The following COMMD3 variants were observed in gnomAD, a reference collection of about 807,000 sequenced individuals.
COMMD3 encodes COMM domain containing 3.
COMMD3 carries 31 observed loss-of-function variants against 31.2 expected under a neutral mutation model. The ratio of observed to expected loss-of-function variants is 0.99; its 90% CI spans 0.75 to 1.34. The LOEUF (loss-of-function observed/expected upper bound fraction) is 1.34. Ranked by LOEUF, COMMD3 falls within the 40% of genes most tolerant of loss-of-function variation. The pLI is 0.00. For synonymous variants in COMMD3, 108 were observed against 87.3 expected (o/e 1.24, Z -1.32); for missense variants, 274 against 236.9 (o/e 1.16, Z -1.03).
chr10:22,316,610 G>C (rs1835855233), intron 1 of COMMD3, 54 bp downstream of exon 1: 21 of 1,425,516 alleles, frequency 1.5e-5, no homozygotes, highest in African/African-American at 3.0e-5. Flanking sequence ...AGGGGCGCTC[G>C]GAGAAGAGGA....
chr10:22,319,125 G>C (rs1476120051), intron 7 of COMMD3, 107 bp downstream of exon 7: 1 of 1,252,404 alleles, frequency 8.0e-7, no homozygotes, highest in Non-Finnish European at 1.1e-6. Flanking sequence ...TTTGTCAGCA[G>C]ATAATGAAGA....
intron 7 of COMMD3, 64 bp from the exon 8 acceptor site, chr10:22,319,875 T>G: frequency 1.1e-5 from 17 of 1,587,596 alleles, no homozygotes; most frequent in Non-Finnish European, 1.5e-5. Flanking sequence ...GCATCTTTCT[T>G]GAGCTTGGAT....
chr10:22,319,067 C>G, intron 7 of COMMD3, 49 bp downstream of exon 7: 1 of 1,540,688 alleles, frequency 6.5e-7, no homozygotes, highest in Non-Finnish European at 8.7e-7. Context: ...TAAATGTTTA[C>G]TTGAGAGTTA....
chr10:22,318,428 C>A, intron 4 of COMMD3, 122 bp downstream of exon 4: 1 of 1,375,076 alleles, frequency 7.3e-7, no homozygotes, highest in South Asian at 1.4e-5. Context: ...AAGGGCATGT[C>A]AAGCAATTGA....
chr10:22,319,262 T>G (rs1181273559), intron 7 of COMMD3: 3 of 399,246 alleles, frequency 7.5e-6, no homozygotes, highest in Non-Finnish European at 1.3e-5. Flanking sequence ...GAAATAAACT[T>G]CTGTAGTGTT....
rs140818298 is a variant in COMMD3, at chr10:22,316,442, A to C, written c.25A>C (p.Lys9Gln). 1 of 1,550,968 alleles carries C rather than the reference A, an allele frequency of 6.4e-7. No homozygotes were observed. Among genetic ancestry groups the C allele is most frequent in the African/African-American group, 1.4e-5 (1 of 73,046 alleles). The change falls in exon 1 of 8, where the codon AAA (lysine) becomes CAA (glutamine). Residue 9 changes from lysine to glutamine, a missense_variant. Transcript: ENST00000376836. The part of the protein sequence containing the change: MELSESVQ[K>Q]GFQMLADPRS... ...AATGGAGCTCTCGGAGTCTGTGCAG[A>C]AAGGCTTCCAGATGCTGGCGGATCC...
At position 22,318,132 on chromosome 10, in the gene COMMD3, CAGAG is replaced by C. The variant is rs761658527; in HGVS notation, c.282_285del (p.Arg94SerfsTer3). 39 of 1,612,708 alleles carry C rather than the reference CAGAG, an allele frequency of 2.4e-5. No individual in the cohort carries two copies. Among genetic ancestry groups the C allele is most frequent in the African/African-American group, 9.4e-5 (7 of 74,776 alleles). On this transcript the variant is annotated frameshift_variant, in exon 3 of 8. Coordinates refer to ENST00000376836, the MANE Select transcript of COMMD3 (RefSeq NM_012071.4). LOFTEE classifies it high-confidence loss of function. ...CTTATCTAGAAGACTGTAAATTTGA[CAGAG>C]AGCGAATAGAACTGTTTTGCACGGA...
chr10:22,319,893 T>A (rs776049314), intron 7 of COMMD3, 46 bp from the exon 8 acceptor site: 4 of 1,608,362 alleles, frequency 2.5e-6, no homozygotes, highest in Non-Finnish European at 3.4e-6. Flanking sequence ...GATACTTCTT[T>A]CCATGTTTTA....
intron 1 of COMMD3, 162 bp from the exon 2 acceptor site, chr10:22,317,722 T>A (rs1353361273): frequency 1.7e-6 from 1 of 598,230 alleles, no homozygotes; most frequent in African/African-American, 1.9e-5. Context: ...GTTTTTCACT[T>A]GATCTTGTTG....
rs1186876088 is a variant in COMMD3, at chr10:22,317,979, G to A, written c.235G>A (p.Asp79Asn). Residue 79 changes from aspartate to asparagine, a missense_variant, in exon 2 of 8, where the codon GAC becomes AAC. By Grantham distance (23) the Asp-to-Asn change is conservative. Coordinates refer to ENST00000376836, the MANE Select transcript of COMMD3 (RefSeq NM_012071.4). ...YILEAGKHRA[D>N]KSTLSTYLED... ...ACTAGAGGCAGGAAAGCACCGAGCT[G>A]ACAAGTCAACTCTAAGGTACAGGAT... 1 of 1,613,894 alleles carries A rather than the reference G, an allele frequency of 6.2e-7. No homozygotes were observed.
rs1588615328 is a variant in COMMD3 at position 22,319,761 on chromosome 10, T to C, written c.529-178T>C. The C allele has an allele frequency of 1.2e-5, 8 of 664,950 alleles. No homozygotes were observed. In the East Asian group the frequency reaches 2.3e-4, roughly 19 times the overall value. The allele number at this position is 664,950 out of a possible 1,614,324, so 41.2% of individuals were successfully genotyped here. A position where few individuals can be genotyped will look rare whatever the true frequency, so the allele number is the denominator to read the frequency against. Reference sequence around the variant, plus strand: ...GCAAATAACCGATTTGAACATGAGGTATTTCCGAGGAAACGCTTTTTTTGC... The same window carrying C: ...GCAAATAACCGATTTGAACATGAGGCATTTCCGAGGAAACGCTTTTTTTGC... On this transcript the variant is annotated intron_variant, in intron 7 of 7. Coordinates refer to ENST00000376836, the MANE Select transcript of COMMD3 (RefSeq NM_012071.4).
chr10:22,316,752 C>CT, intron 1 of COMMD3, 196 bp downstream of exon 1: 1 of 961,478 alleles, frequency 1.0e-6, no homozygotes, highest in Non-Finnish European at 1.4e-6. Context: ...TTTGGCCCCA[C>CT]TTGGCACCTG....
In COMMD3 at chr10:22,318,131, A is replaced by T; in HGVS notation, c.278A>T (p.Asp93Val). 1.9e-6 allele frequency: 3 copies of T among 1,613,012 alleles called. No homozygotes were observed. The highest frequency in any genetic ancestry group is 2.5e-6 in the Non-Finnish European group (3 of 1,179,754). The change falls in exon 3 of 8, where the codon GAC (aspartate) becomes GTC (valine). Residue 93 changes from aspartate to valine, a missense_variant. Transcript: ENST00000376836. ...ACTTATCTAGAAGACTGTAAATTTG[A>T]CAGAGAGCGAATAGAACTGTTTTGC... ...LSTYLEDCKF[D>V]RERIELFCTE...
Position 22,320,081 on chromosome 10 carries a change from T to C in COMMD3, c.*83T>C, listed in dbSNP as rs1564347076. The stretch of plus-strand genomic sequence containing the variant: ...CAGCTGAACCACCGTTTGTGCGAGC[T>C]GGATGTCCTTTTCAGTAGAAAAGAA... On this transcript the variant is annotated 3_prime_UTR_variant, in exon 8 of 8. Coordinates refer to ENST00000376836, the MANE Select transcript of COMMD3 (RefSeq NM_012071.4). The C allele has an allele frequency of 6.2e-7, 1 of 1,612,346 alleles. No homozygotes were observed. The highest frequency in any genetic ancestry group is 2.2e-5 in the East Asian group (1 of 44,822).
In COMMD3 at chr10:22,320,061, G is replaced by T; in HGVS notation, c.*63G>T. 6.2e-7 allele frequency: 1 copy of T among 1,613,734 alleles called. No individual in the cohort carries two copies. The highest frequency in any genetic ancestry group is 1.1e-5 in the South Asian group (1 of 91,020). ...AACCAGAAACGCCTTGCCTTCAGCT[G>T]AACCACCGTTTGTGCGAGCTGGATG... On this transcript the variant is annotated 3_prime_UTR_variant, in exon 8 of 8. Transcript: ENST00000376836.
chr10:22,319,100 A>G (rs1835910132), intron 7 of COMMD3, 82 bp downstream of exon 7: 1 of 1,416,416 alleles, frequency 7.1e-7, no homozygotes, highest in Non-Finnish European at 9.4e-7. Context: ...GTTCAAAAGA[A>G]AATTAATCTA....
chr10:22,317,410 T>C (rs1372369426), intron 1 of COMMD3: 1 of 152,424 alleles, frequency 6.6e-6, no homozygotes, highest in Non-Finnish European at 1.5e-5. Context: ...AGTACTAATA[T>C]AATTTTGAAA....
chr10:22,319,137 T>A, intron 7 of COMMD3, 119 bp downstream of exon 7: 1 of 1,178,836 alleles, frequency 8.5e-7, no homozygotes, highest in Non-Finnish European at 1.2e-6. Context: ...TAATGAAGAT[T>A]GGTTAAGGAT....
At chr10:22,319,658 T>A in intron 7 of COMMD3, 2 of 296,376 alleles carry the variant, frequency 6.7e-6, no homozygotes, top group East Asian at 7.9e-5. Context: ...CAGCATAACC[T>A]TTGTTAGATA....
Sources: gnomAD v4.1 joint callset for allele counts on GRCh38, gnomAD v4.1.1 for gene constraint, MANE v1.5 for transcripts, NCBI Gene and HGNC (gene_info 2026-07-23, HGNC 2026-07-21) for gene names.